The following RBFOX1 variants were observed in gnomAD, a reference collection of about 807,000 sequenced individuals.
RBFOX1 encodes the protein RNA binding fox-1 homolog 1.
Under a neutral mutation model 57.7 loss-of-function variants are expected in RBFOX1, and 8 were observed. The ratio of observed to expected loss-of-function variants is 0.14; its 90% CI spans 0.08 to 0.25. The LOEUF (loss-of-function observed/expected upper bound fraction) is 0.25. Ranked by LOEUF, RBFOX1 falls within the 10% of genes least tolerant of loss-of-function variation. The pLI, the probability that RBFOX1 is intolerant of heterozygous loss-of-function variation, is 1.00. For synonymous variants in RBFOX1, 326 were observed against 222.4 expected, an observed-to-expected ratio of 1.47 and a Z score of -4.15; for missense variants, 611 against 548.5, an observed-to-expected ratio of 1.11 and a Z score of -1.14.
chr16:6,593,225 C>A (rs187938509), intron 2 of RBFOX1, among the ~76,000 whole-genome samples: 19 of 152,224 alleles, frequency 1.2e-4, no homozygotes, highest in Non-Finnish European at 2.4e-4. Flanking sequence ...GTGGAGATCA[C>A]CCTCTTCCAC....
intron 1 of RBFOX1, among the ~76,000 whole-genome samples, chr16:6,072,431 T>C (rs2095848591): frequency 6.6e-6 from 1 of 152,240 alleles, no homozygotes; most frequent in Admixed American, 6.5e-5. Flanking sequence ...AGATATTTCT[T>C]TGCTATCATG....
At chr16:7,036,535 T>A (rs1366602669) in intron 3 of RBFOX1, among the ~76,000 whole-genome samples, 1 of 151,654 alleles carries the variant, frequency 6.6e-6, no homozygotes, top group Non-Finnish European at 1.5e-5. Context: ...TGTACTAAAA[T>A]TAGAAAAATT....
At chr16:7,389,696 T>C (rs1006974960) in intron 4 of RBFOX1, among the ~76,000 whole-genome samples, 10 of 152,196 alleles carry the variant, frequency 6.6e-5, no homozygotes, top group African/African-American at 1.9e-4. Flanking sequence ...GTTTACAGTA[T>C]GTACAACAGC....
intron 3 of RBFOX1, among the ~76,000 whole-genome samples, chr16:5,821,372 G>A (rs977205721): frequency 2.0e-5 from 3 of 147,270 alleles, no homozygotes; most frequent in Admixed American, 7.0e-5. Context: ...CATGGCTTAC[G>A]GCTCACTGTA....
chr16:5,974,493 C>T (rs1472354078), intron 4 of RBFOX1, among the ~76,000 whole-genome samples: 2 of 151,864 alleles, frequency 1.3e-5, no homozygotes, highest in Admixed American at 1.3e-4. Context: ...ACCTGTAATC[C>T]CAGCTACTCG....
intron 3 of RBFOX1, among the ~76,000 whole-genome samples, chr16:5,756,223 C>CAAA (rs5815266): frequency 2.4e-3 from 123 of 50,944 alleles, no homozygotes; most frequent in East Asian, 3.8e-3. Context: ...TCCACATAAG[C>CAAA]AAAAAAAAAA....
chr16:6,903,421 G>A (rs867227253), intron 3 of RBFOX1, among the ~76,000 whole-genome samples: 1 of 152,148 alleles, frequency 6.6e-6, no homozygotes, highest in East Asian at 1.9e-4. Flanking sequence ...TAAAATTGAC[G>A]AAAGATCCGT....
rs143983352 is a variant in RBFOX1, at chr16:5,446,385, A to C, written c.220-20831A>C. Among the ~76,000 whole-genome samples the C allele has an allele frequency of 2.1e-3, 316 of 152,326 alleles. 3 individuals are homozygous for C. Among genetic ancestry groups the C allele is most frequent in the African/African-American group, 7.0e-3 (292 of 41,586 alleles). Reference sequence around the variant, plus strand: ...AAATCCAGGAAAGTTAGATTCAAACATGCTCACTGGAAATGTTTCTTTCCT... The same window carrying C: ...AAATCCAGGAAAGTTAGATTCAAACCTGCTCACTGGAAATGTTTCTTTCCT... On this transcript the variant is annotated intron_variant, in intron 1 of 2. Coordinates refer to the RBFOX1 transcript ENST00000585867.
At chr16:6,449,710 GT>G (rs1363253279) in intron 2 of RBFOX1, among the ~76,000 whole-genome samples, 1 of 152,116 alleles carries the variant, frequency 6.6e-6, no homozygotes, top group Non-Finnish European at 1.5e-5. Context: ...GTTTAAGAGT[GT>G]TTTTATTTTC....
At chr16:6,032,757 C>T (rs17139197) in intron 1 of RBFOX1, among the ~76,000 whole-genome samples, 10,627 of 151,848 alleles carry the variant, frequency 0.07, 1,189 homozygotes, top group African/African-American at 0.24. Context: ...CATGAGGCAA[C>T]GTTTTTTAGG....
chr16:6,474,232 TTTCGAACAC>T (rs1217926156), intron 2 of RBFOX1, among the ~76,000 whole-genome samples: 4 of 152,298 alleles, frequency 2.6e-5, no homozygotes, highest in African/African-American at 9.6e-5. Context: ...CCAGATTCTA[TTTCGAACAC>T]TTTAATCCCA....
At chr16:6,712,883 GTTTTT>G (rs61328266) in intron 3 of RBFOX1, among the ~76,000 whole-genome samples, 5,647 of 83,052 alleles carry the variant, frequency 0.068, 163 homozygotes, top group South Asian at 0.12. Flanking sequence ...TCATGGGGGT[GTTTTT>G]TTTTTTTTTT....
chr16:6,142,385 C>G (rs1282057401), intron 1 of RBFOX1, among the ~76,000 whole-genome samples: 34 of 151,636 alleles, frequency 2.2e-4, no homozygotes, highest in Non-Finnish European at 2.9e-5. Context: ...CCGCACGTGG[C>G]TAATTTTTTG....
chr16:5,387,252 C>A (rs946392588), intron 1 of RBFOX1, among the ~76,000 whole-genome samples: 1 of 152,120 alleles, frequency 6.6e-6, no homozygotes, highest in African/African-American at 2.4e-5. Flanking sequence ...AGGCAGTGTT[C>A]TCATTTTCAG....
In RBFOX1 at chr16:7,203,600, G is replaced by C. The variant is rs568866088; in HGVS notation, c.27+151502G>C. On this transcript the variant is annotated intron_variant, in intron 4 of 15. Transcript: ENST00000550418. ...AATTATAGAGGTGGGCCGTGCCCAG[G>C]ATTGCAGTGAGTTTTCAGCTGGCAC... 2.0e-5 allele frequency among the ~76,000 whole-genome samples: 3 copies of C among 152,314 alleles called. No individual in the cohort carries two copies. In the South Asian group the frequency reaches 6.2e-4, roughly 32 times the overall value.
chr16:7,321,041 A>T (rs1309436260), intron 4 of RBFOX1, among the ~76,000 whole-genome samples: 2 of 140,806 alleles, frequency 1.4e-5, no homozygotes, highest in Non-Finnish European at 1.6e-5. Flanking sequence ...TAAACTGGAG[A>T]CCAGAGAAAT....
chr16:5,810,369 A>T (rs993939348), intron 3 of RBFOX1, among the ~76,000 whole-genome samples: 2 of 152,216 alleles, frequency 1.3e-5, no homozygotes, highest in African/African-American at 4.8e-5. Context: ...GTCAACAGCC[A>T]AGGAGAGAGG....
intron 1 of RBFOX1, among the ~76,000 whole-genome samples, chr16:5,459,889 C>A (rs913732114): frequency 2.6e-5 from 4 of 152,168 alleles, no homozygotes; most frequent in African/African-American, 9.7e-5. Flanking sequence ...TTCATCCCTT[C>A]CAACAACACC....
At chr16:6,744,298 C>T (rs1010373275) in intron 3 of RBFOX1, among the ~76,000 whole-genome samples, 1 of 151,948 alleles carries the variant, frequency 6.6e-6, no homozygotes, top group African/African-American at 2.4e-5. Flanking sequence ...GAATAAATAG[C>T]TAGAAAATTA....
Sources: gnomAD v4.1 joint callset for allele counts (sites outside exome capture counted in the v4.1 genomes callset) on GRCh38, gnomAD v4.1.1 for gene constraint, MANE v1.5 for transcripts, NCBI Gene and HGNC (gene_info 2026-07-23, HGNC 2026-07-21) for gene names.